XPO6: variants seen among roughly 807,000 people sequenced by gnomAD.
The protein encoded by XPO6 is exportin-6.
A neutral mutation model predicts 130.0 loss-of-function variants in XPO6; 3 were observed. The ratio of observed to expected loss-of-function variants is 0.02; its 90% CI spans 0.01 to 0.06. The LOEUF is 0.06. XPO6 is among the 10% of genes least tolerant of loss of function. XPO6 has a pLI of 1.00. For synonymous variants in XPO6, 524 were observed against 548.9 expected (o/e 0.95, Z 0.63); for missense variants, 970 against 1,393.0 (o/e 0.70, Z 4.83).
chr16:28,178,895 C>T (rs1448111514), intron 2 of XPO6, among the ~76,000 whole-genome samples: 2 of 151,984 alleles, frequency 1.3e-5, no homozygotes, highest in Admixed American at 6.6e-5. Context: ...GGCGAAACCC[C>T]GTCACTACTA....
At chr16:28,164,988 G>A (rs1247502304) in intron 6 of XPO6, among the ~76,000 whole-genome samples, 4 of 152,134 alleles carry the variant, frequency 2.6e-5, no homozygotes, top group African/African-American at 4.8e-5. Flanking sequence ...AGGCTGAGGC[G>A]GGTGGATAGC....
chr16:28,182,952 T>C (rs1190693807), intron 1 of XPO6, among the ~76,000 whole-genome samples: 1 of 152,116 alleles, frequency 6.6e-6, no homozygotes, highest in Non-Finnish European at 1.5e-5. Context: ...TCAAAAAAAA[T>C]AGCACATGTT....
chr16:28,189,007 G>A (rs1208893925), intron 1 of XPO6, among the ~76,000 whole-genome samples: 3 of 152,026 alleles, frequency 2.0e-5, no homozygotes, highest in Non-Finnish European at 4.4e-5. Flanking sequence ...TGTCGCCCAG[G>A]CTGGAGTACA....
intron 17 of XPO6, 54 bp downstream of exon 17, chr16:28,111,763 G>C: frequency 1.3e-6 from 2 of 1,588,594 alleles, no homozygotes; most frequent in South Asian, 1.1e-5. Context: ...CTGCCACAAA[G>C]AACAATGCCT....
intron 6 of XPO6, among the ~76,000 whole-genome samples, chr16:28,158,907 G>C (rs764048774): frequency 5.3e-5 from 8 of 152,090 alleles, no homozygotes; most frequent in Non-Finnish European, 1.2e-4. Context: ...AATTATTTTA[G>C]AGAAGACAAA....
chr16:28,121,781 G>A lies in XPO6; in HGVS notation c.1767-19C>T. 3 of 1,552,284 alleles carry A rather than the reference G, an allele frequency of 1.9e-6. No homozygotes were observed. Among genetic ancestry groups the A allele is most frequent in the Non-Finnish European group, 2.7e-6 (3 of 1,124,330 alleles). On this transcript the variant is annotated intron_variant, in intron 13 of 23. Coordinates refer to ENST00000304658, the MANE Select transcript of XPO6 (RefSeq NM_015171.4). ...GACCAACCTGTTGGCAAAGAGGCAG[G>A]TAAACAAGAACATTCAGCTTATGAA...
At position 28,101,068 on chromosome 16, in the gene XPO6, A is replaced by C; in HGVS notation, c.3276+390T>G. The C allele has an allele frequency of 3.1e-6, 1 of 325,464 alleles. No homozygotes were observed. The highest frequency in any genetic ancestry group is 4.4e-5 in the Admixed American group (1 of 22,908). The allele number at this position is 325,464 out of a possible 1,614,324, so 20.2% of individuals were successfully genotyped here. ...CTGGGGACCCAGAAGTGCAGCTCCC[A>C]AGCACCAACCATCTCAGCCTGAATG... On this transcript the variant is annotated intron_variant, in intron 23 of 23. Coordinates refer to ENST00000304658, the MANE Select transcript of XPO6 (RefSeq NM_015171.4). The surrounding 1 kb of genome is among the most constrained non-coding windows in gnomAD (Gnocchi z 5.4).
rs1191853305 is a variant in XPO6, at chr16:28,211,452, G to T, written c.-84C>A. On this transcript the variant is annotated 5_prime_UTR_variant, in exon 1 of 24. Transcript: ENST00000304658. ...CTCGCACAGTTCAGGTCATGGTCCCGGCAGACTCGGGAAGTCCCCCACCCA... is the reference window on the plus strand; with the variant it reads ...CTCGCACAGTTCAGGTCATGGTCCCTGCAGACTCGGGAAGTCCCCCACCCA... The T allele has an allele frequency of 6.2e-6, 8 of 1,290,376 alleles. No individual in the cohort carries two copies. The Admixed American group carries it at 2.6e-4, about 43-fold the overall frequency. 79.9% of individuals were successfully genotyped at this position (1,290,376 alleles called of 1,614,324 possible).
intron 1 of XPO6, among the ~76,000 whole-genome samples, chr16:28,193,729 A>G (rs1415848577): frequency 2.0e-5 from 3 of 152,150 alleles, no homozygotes; most frequent in South Asian, 4.1e-4. Context: ...AGAGAAGATG[A>G]TAACTCTACA....
At chr16:28,209,680 G>A (rs757307772) in intron 1 of XPO6, among the ~76,000 whole-genome samples, 5 of 147,588 alleles carry the variant, frequency 3.4e-5, no homozygotes, top group Non-Finnish European at 6.0e-5. Context: ...AAGAATAAAT[G>A]AAGGAAGGAA....
chr16:28,190,384 T>C (rs993989554), intron 1 of XPO6, among the ~76,000 whole-genome samples: 2 of 152,130 alleles, frequency 1.3e-5, no homozygotes, highest in Non-Finnish European at 2.9e-5. Flanking sequence ...CACACCTGGC[T>C]AATTTTTTTT....
At position 28,174,903 on chromosome 16, in the gene XPO6, G is replaced by A. The variant is rs2043510080; in HGVS notation, c.405+995C>T. Among the ~76,000 whole-genome samples, 3 of 152,206 alleles carry A rather than the reference G, an allele frequency of 2.0e-5. No homozygotes were observed. In the South Asian group the frequency reaches 6.2e-4, roughly 32 times the overall value. Reference sequence around the variant, plus strand: ...CAACTTGATCACAGGATTCAAATGAGCAACAGCATCTCCCTCGTAGCTTTT... The same window carrying A: ...CAACTTGATCACAGGATTCAAATGAACAACAGCATCTCCCTCGTAGCTTTT... On this transcript the variant is annotated intron_variant, in intron 4 of 23. Coordinates refer to ENST00000304658, the MANE Select transcript of XPO6 (RefSeq NM_015171.4).
chr16:28,178,096 C>A (rs889002751), intron 2 of XPO6, among the ~76,000 whole-genome samples: 1 of 152,198 alleles, frequency 6.6e-6, no homozygotes, highest in Non-Finnish European at 1.5e-5. Context: ...CCTTGACCTG[C>A]TGCACTGGTC....
chr16:28,132,168 C>T lies in XPO6; in HGVS notation c.1606+166G>A, dbSNP rs9930464. On this transcript the variant is annotated intron_variant, in intron 12 of 23. Transcript: ENST00000304658. This position sits in a 1 kb window ranked among gnomAD's most constrained non-coding sequence, Gnocchi z 4.0. ...ATCTTTTACCTCCCCCACAGCTTTT[C>T]ATCATAAGCCTTTAAAAACGTTCCC... 0.92 allele frequency among the ~76,000 whole-genome samples: 140,727 copies of T among 152,246 alleles called. 65,979 individuals are homozygous for T. Among genetic ancestry groups the T allele is most frequent in the Non-Finnish European group, 1 (67,872 of 68,040 alleles).
At chr16:28,208,032 G>A (rs939775416) in intron 1 of XPO6, among the ~76,000 whole-genome samples, 1 of 114,378 alleles carries the variant, frequency 8.7e-6, no homozygotes, top group Non-Finnish European at 1.8e-5. Context: ...TGTAATCCCA[G>A]CTACTCAGGA....
intron 1 of XPO6, among the ~76,000 whole-genome samples, chr16:28,194,444 GCAAA>G (rs2043828556): frequency 6.6e-6 from 1 of 152,212 alleles, no homozygotes; most frequent in Admixed American, 6.5e-5. Context: ...GATTCTAGCA[GCAAA>G]CACTTTTTTT....
intron 9 of XPO6, among the ~76,000 whole-genome samples, chr16:28,138,164 T>C (rs2042817430): frequency 6.6e-6 from 1 of 152,198 alleles, no homozygotes; most frequent in Non-Finnish European, 1.5e-5. Flanking sequence ...AAATCCCACT[T>C]AGTAAACTCC....
chr16:28,116,114 A>C (rs1461668634), intron 15 of XPO6, among the ~76,000 whole-genome samples: 5 of 152,230 alleles, frequency 3.3e-5, no homozygotes, highest in Admixed American at 6.5e-5. Flanking sequence ...CAGAAATTTT[A>C]ATCTCCTCCA....
Position 28,160,503 on chromosome 16 carries a change from C to CAAAAAAAAAAAAAAAAAAAA in XPO6, c.644-3977_644-3976insTTTTTTTTTTTTTTTTTTTT, listed in dbSNP as rs1158204334. 1.7e-3 allele frequency among the ~76,000 whole-genome samples: 193 copies of CAAAAAAAAAAAAAAAAAAAA among 116,608 alleles called. 12 individuals carry two copies. The highest frequency in any genetic ancestry group is 4.5e-3 in the South Asian group (17 of 3,752). 76.5% of individuals were successfully genotyped at this position (116,608 alleles called of 152,430 possible). On this transcript the variant is annotated intron_variant, in intron 6 of 23. Transcript: ENST00000304658. ...TGGATAACAAAGTGAGACTCCATCA[C>CAAAAAAAAAAAAAAAAAAAA]CAAAAAAAAAAAAAAAATCAAGTAA...
Sources: allele counts gnomAD v4.1 joint callset (sites outside exome capture counted in the v4.1 genomes callset), GRCh38; gene constraint gnomAD v4.1.1; non-coding constraint Gnocchi (gnomAD v3.1); transcripts MANE v1.5; gene names NCBI Gene and HGNC (gene_info 2026-07-23, HGNC 2026-07-21).